The following TMEM131L variants were observed in gnomAD, a reference collection of about 807,000 sequenced individuals.
TMEM131L encodes transmembrane 131 like.
A neutral mutation model predicts 192.2 loss-of-function variants in TMEM131L; 54 were observed. The observed-to-expected ratio is 0.28, with a 90% CI of 0.23 to 0.35. The LOEUF is 0.35. Among genes scored for constraint, TMEM131L ranks in the 10% least tolerant of loss-of-function variants. The pLI is 1.00. For synonymous variants in TMEM131L, 701 were observed against 704.9 expected (o/e 0.99, Z 0.09); for missense variants, 1,888 against 1,972.9 (o/e 0.96, Z 0.82).
intron 3 of TMEM131L, among the ~76,000 whole-genome samples, chr4:153,497,201 A>G (rs915967539): frequency 2.0e-5 from 3 of 152,076 alleles, no homozygotes; most frequent in Non-Finnish European, 2.9e-5. Context: ...CTTTGGGGAA[A>G]GTTTGTCTCC....
rs553696583 is a variant in TMEM131L at position 153,505,231 on chromosome 4, C to T, written c.239+31343C>T. 2.2e-4 allele frequency among the ~76,000 whole-genome samples: 33 copies of T among 151,884 alleles called. No homozygotes were observed. In the East Asian group the frequency reaches 2.5e-3, roughly 12 times the overall value. ...AAGTGATTCTCCTGCCTCAGCCTCT[C>T]GAGTAGCTGGGACTACAGGCACGCA... On this transcript the variant is annotated intron_variant, in intron 3 of 34. Transcript: ENST00000409959.
intron 3 of TMEM131L, among the ~76,000 whole-genome samples, chr4:153,476,053 G>A (rs1226347510): frequency 1.3e-5 from 2 of 152,022 alleles, no homozygotes; most frequent in Non-Finnish European, 2.9e-5. Flanking sequence ...CCCCCTCCTG[G>A]GTTCAAGTGA....
At chr4:153,483,399 A>G (rs1269418565) in intron 3 of TMEM131L, among the ~76,000 whole-genome samples, 1 of 152,142 alleles carries the variant, frequency 6.6e-6, no homozygotes, top group Non-Finnish European at 1.5e-5. Context: ...CAAATCCAAC[A>G]ACCCAAGAAG....
chr4:153,601,907 T>C (rs754575850), intron 21 of TMEM131L: 1 of 275,374 alleles, frequency 3.6e-6, no homozygotes, highest in Non-Finnish European at 6.6e-6. Flanking sequence ...TTTTGTATCT[T>C]GGTAGAGCAT....
intron 24 of TMEM131L, 166 bp downstream of exon 24, chr4:153,603,618 CTCCAT>C (rs1732001993): frequency 1.0e-6 from 1 of 984,296 alleles, no homozygotes; most frequent in East Asian, 2.6e-5. Flanking sequence ...ATGAGATAGT[CTCCAT>C]GCAAGGACTT....
chr4:153,484,758 G>A lies in TMEM131L; in HGVS notation c.239+10870G>A, dbSNP rs1041919938. Among the ~76,000 whole-genome samples the A allele has an allele frequency of 1.3e-4, 19 of 146,496 alleles. No individual in the cohort carries two copies. In the East Asian group the frequency reaches 1.4e-3, roughly 11 times the overall value. ...GCTGAGATTACAGGCGTGAGCCACC[G>A]TGCCCGGCCATAGGGATGTAGTTTT... On this transcript the variant is annotated intron_variant, in intron 3 of 34. Coordinates refer to ENST00000409959, the MANE Select transcript of TMEM131L (RefSeq NM_001131007.2).
chr4:153,528,225 T>C (rs1020068495), intron 3 of TMEM131L, among the ~76,000 whole-genome samples: 5 of 152,236 alleles, frequency 3.3e-5, no homozygotes, highest in Non-Finnish European at 5.9e-5. Context: ...TGGAAACTTA[T>C]TGATAGGGAA....
At chr4:153,511,722 A>G (rs1734371914) in intron 3 of TMEM131L, among the ~76,000 whole-genome samples, 1 of 152,192 alleles carries the variant, frequency 6.6e-6, no homozygotes, top group Non-Finnish European at 1.5e-5. Flanking sequence ...GAACTAAACA[A>G]AATAATAGAT....
rs770473882 is a variant in TMEM131L, at chr4:153,587,745, G to A, written c.1486G>A (p.Gly496Arg). Residue 496 changes from glycine to arginine, a missense_variant, in exon 15 of 35, where the codon GGG becomes AGG. By Grantham distance (125) the Gly-to-Arg change is moderately radical. Coordinates refer to ENST00000409959, the MANE Select transcript of TMEM131L (RefSeq NM_001131007.2). Reference protein sequence around the residue: ...LQIYSAPTKEGSLGFEVIAHC... With the variant: ...LQIYSAPTKERSLGFEVIAHC... ...CATATATTACTTTTCAATCTAGGAAGGGAGTCTGGGTTTTGAAGTGATAGC... is the reference window on the plus strand; with the variant it reads ...CATATATTACTTTTCAATCTAGGAAAGGAGTCTGGGTTTTGAAGTGATAGC... The A allele has an allele frequency of 1.9e-6, 3 of 1,605,964 alleles. No individual in the cohort carries two copies. The South Asian group carries it at 3.3e-5, about 18-fold the overall frequency.
chr4:153,563,629 A>C (rs1435346187), intron 7 of TMEM131L, among the ~76,000 whole-genome samples: 1 of 151,560 alleles, frequency 6.6e-6, no homozygotes, highest in Non-Finnish European at 1.5e-5. Flanking sequence ...TACCACGCCC[A>C]GCTAATTTTT....
rs192814317 is a variant in TMEM131L at position 153,577,576 on chromosome 4, C to T, written c.661-3250C>T. Reference sequence around the variant, plus strand: ...CGGGCATGGCTGTGTTCCAATAAAACTTTGCTGACAAAAATAAGCAGCAAA... The same window carrying T: ...CGGGCATGGCTGTGTTCCAATAAAATTTTGCTGACAAAAATAAGCAGCAAA... On this transcript the variant is annotated intron_variant, in intron 7 of 34. Coordinates refer to ENST00000409959, the MANE Select transcript of TMEM131L (RefSeq NM_001131007.2). Among the ~76,000 whole-genome samples the T allele has an allele frequency of 1.7e-4, 26 of 152,254 alleles. 1 individual carries two copies. The East Asian group carries it at 4.8e-3, about 28-fold the overall frequency.
intron 31 of TMEM131L, among the ~76,000 whole-genome samples, chr4:153,628,283 C>A (rs570834575): frequency 5.8e-4 from 88 of 152,334 alleles, no homozygotes; most frequent in Middle Eastern, 3.4e-3. Flanking sequence ...GGAAACCTCT[C>A]CTGCCTGGGG....
At chr4:153,630,268 C>T (rs891011992) in intron 31 of TMEM131L, among the ~76,000 whole-genome samples, 2 of 152,198 alleles carry the variant, frequency 1.3e-5, no homozygotes, top group Admixed American at 6.5e-5. Flanking sequence ...CTGTCTCATA[C>T]ATTTATTAAC....
In TMEM131L at chr4:153,635,487, T is replaced by C; in HGVS notation, c.4473T>C (p.Phe1491=). The change falls in exon 34 of 35, where the codon TTT becomes TTC. Residue 1491 remains phenylalanine, a synonymous_variant. Transcript: ENST00000409959. ...FPCPADVQTD[F]IDHNSQSTWN... ...GTCCTGCAGATGTTCAGACAGACTT[T>C]ATTGATCACAACTCTCAGTCTACCT... 6.2e-7 allele frequency: 1 copy of C among 1,613,990 alleles called. No individual in the cohort carries two copies. Among genetic ancestry groups the C allele is most frequent in the Non-Finnish European group, 8.5e-7 (1 of 1,179,836 alleles).
rs1265677571 is a variant in TMEM131L at position 153,558,276 on chromosome 4, C to T, written c.568C>T (p.Arg190Cys). 7 of 1,592,306 alleles carry T rather than the reference C, an allele frequency of 4.4e-6. No individual in the cohort carries two copies. The highest frequency in any genetic ancestry group is 2.2e-5 in the East Asian group (1 of 44,614). ...LSYHVSGIGT[R>C]RISTEGSAKQ... ...TCCGCAGGTATCTGGAATTGGCACT[C>T]GTAGAATCTCTACAGAAGGGTCTGC... Residue 190 changes from arginine (R) to cysteine (C), a missense_variant, in exon 7 of 35, where the codon CGT (arginine) becomes TGT (cysteine). Transcript: ENST00000409959.
chr4:153,484,535 C>T lies in TMEM131L; in HGVS notation c.239+10647C>T, dbSNP rs185830969. ...CCAGGCTGGAGTGCAGTGGCACGAT[C>T]TTGGCTCACTGCAAGCTCTGCCTCC... On this transcript the variant is annotated intron_variant, in intron 3 of 34. Transcript: ENST00000409959. Among the ~76,000 whole-genome samples, 302 of 151,082 alleles carry T rather than the reference C, an allele frequency of 2.0e-3. 12 individuals are homozygous for T. In the East Asian group the frequency reaches 0.046, roughly 23 times the overall value.
intron 3 of TMEM131L, among the ~76,000 whole-genome samples, chr4:153,481,571 T>A (rs1022670958): frequency 6.6e-6 from 1 of 152,248 alleles, no homozygotes; most frequent in African/African-American, 2.4e-5. Context: ...GGTCTCAGTC[T>A]GTCACCTAGG....
chr4:153,494,922 C>T (rs997471593), intron 3 of TMEM131L, among the ~76,000 whole-genome samples: 3 of 152,172 alleles, frequency 2.0e-5, no homozygotes, highest in East Asian at 3.8e-4. Context: ...CCTTTACCTG[C>T]GTGATCCGGG....
chr4:153,560,527 TACCA>T (rs2150506964), intron 7 of TMEM131L, among the ~76,000 whole-genome samples: 1 of 152,392 alleles, frequency 6.6e-6, no homozygotes. Flanking sequence ...ACTTAAAGTG[TACCA>T]TTCAGTGGGT....
Sources: gnomAD v4.1 joint callset for allele counts (sites outside exome capture counted in the v4.1 genomes callset) on GRCh38, gnomAD v4.1.1 for gene constraint, MANE v1.5 for transcripts, NCBI Gene and HGNC (gene_info 2026-07-23, HGNC 2026-07-21) for gene names.